ROR1: variants seen among roughly 807,000 people sequenced by gnomAD.
ROR1 encodes ROR family WNT receptor 1, also known as inactive tyrosine-protein kinase transmembrane receptor ROR1.
In ROR1, 19 loss-of-function variants were observed where a neutral mutation model predicts 78.8. That is an observed-to-expected ratio of 0.24 (90% CI 0.17 to 0.35). ROR1 has a LOEUF of 0.35. Among genes scored for constraint, ROR1 ranks in the 10% least tolerant of loss-of-function variants. The pLI, the probability that ROR1 is intolerant of heterozygous loss-of-function variation, is 1.00. For synonymous variants in ROR1, 386 were observed against 433.6 expected, an observed-to-expected ratio of 0.89 and a Z score of 1.36; for missense variants, 917 against 1,177.8, an observed-to-expected ratio of 0.78 and a Z score of 3.24.
At position 64,175,016 on chromosome 1, in the gene ROR1, TTA is replaced by T. The variant is rs1491322583; in HGVS notation, c.1387-2411_1387-2410del. 3.3e-5 allele frequency among the ~76,000 whole-genome samples: 5 copies of T among 150,390 alleles called. No individual in the cohort carries two copies. The South Asian group carries it at 1.0e-3, about 31-fold the overall frequency. ...AGATTCGCCTATTGTTTTTTTTTTT[TTA>T]AAAAAATAGTTATTTAATTTAAAAA... On this transcript the variant is annotated intron_variant, in intron 8 of 8. Transcript: ENST00000371079.
chr1:63,857,163 T>A (rs1216313688), intron 1 of ROR1, among the ~76,000 whole-genome samples: 1 of 152,090 alleles, frequency 6.6e-6, no homozygotes, highest in African/African-American at 2.4e-5. Context: ...AGAAGTTTTT[T>A]TTTTTTTTTA....
At chr1:64,156,936 A>T (rs928751900) in intron 7 of ROR1, among the ~76,000 whole-genome samples, 5 of 152,142 alleles carry the variant, frequency 3.3e-5, no homozygotes, top group African/African-American at 1.2e-4. Context: ...CTTTTGACTT[A>T]CTAGCAGCAT....
At chr1:64,117,300 T>G (rs6683013) in intron 4 of ROR1, among the ~76,000 whole-genome samples, 46,298 of 152,086 alleles carry the variant, frequency 0.3, 7,482 homozygotes, top group African/African-American at 0.34. Flanking sequence ...TGAAATATCT[T>G]CCTCTTAGCA....
At chr1:63,828,242 A>G (rs978168450) in intron 1 of ROR1, among the ~76,000 whole-genome samples, 1 of 152,252 alleles carries the variant, frequency 6.6e-6, no homozygotes, top group African/African-American at 2.4e-5. Flanking sequence ...AAAGAGATGT[A>G]GAAAAATAAT....
At chr1:64,101,494 C>G in intron 4 of ROR1, among the ~76,000 whole-genome samples, 1 of 152,136 alleles carries the variant, frequency 6.6e-6, no homozygotes, top group South Asian at 2.1e-4. Flanking sequence ...AAGCTCCTGA[C>G]GAAGAAGGGC....
At chr1:63,895,294 C>G (rs998655286) in intron 1 of ROR1, among the ~76,000 whole-genome samples, 4 of 152,146 alleles carry the variant, frequency 2.6e-5, no homozygotes, top group African/African-American at 9.7e-5. Flanking sequence ...TACTAGTTAT[C>G]TGCATTTTTC....
At chr1:64,067,304 A>C (rs1381392318) in intron 4 of ROR1, among the ~76,000 whole-genome samples, 2 of 151,786 alleles carry the variant, frequency 1.3e-5, no homozygotes, top group African/African-American at 4.8e-5. Context: ...CCAAAATTGC[A>C]CTACTGTACT....
At chr1:63,832,061 G>C (rs1268394178) in intron 1 of ROR1, among the ~76,000 whole-genome samples, 2 of 152,158 alleles carry the variant, frequency 1.3e-5, no homozygotes. Context: ...AGTGACCTTT[G>C]CTCCAGTTCA....
chr1:64,071,999 G>C (rs573557273), intron 4 of ROR1, among the ~76,000 whole-genome samples: 2 of 152,222 alleles, frequency 1.3e-5, no homozygotes, highest in South Asian at 4.1e-4. Flanking sequence ...GTGGTCCATG[G>C]TTTAGTTCTC....
In ROR1 at chr1:64,158,974, C is replaced by T; in HGVS notation, c.1175-7C>T. The T allele has an allele frequency of 6.2e-7, 1 of 1,610,256 alleles. No homozygotes were observed. The highest frequency in any genetic ancestry group is 8.5e-7 in the Non-Finnish European group (1 of 1,176,882). ...TAACTTTTGCTCTTTTTCATTTCTG[C>T]ACCCAGATTCAAAGGATTCCAAGGA... On this transcript the variant is annotated splice_polypyrimidine_tract_variant and splice_region_variant and intron_variant, in intron 7 of 8. Coordinates refer to ENST00000371079, the MANE Select transcript of ROR1 (RefSeq NM_005012.4).
intron 1 of ROR1, among the ~76,000 whole-genome samples, chr1:63,921,964 C>T (rs1290869512): frequency 6.6e-6 from 1 of 152,194 alleles, no homozygotes; most frequent in African/African-American, 2.4e-5. Flanking sequence ...GAGGGGGTAT[C>T]TCAGGAGCTC....
At chr1:63,830,849 G>A (rs966173412) in intron 1 of ROR1, among the ~76,000 whole-genome samples, 3 of 152,164 alleles carry the variant, frequency 2.0e-5, no homozygotes, top group Non-Finnish European at 4.4e-5. Context: ...AAAATCACAA[G>A]CAAGTTAATT....
intron 8 of ROR1, among the ~76,000 whole-genome samples, chr1:64,166,676 G>A (rs1052820781): frequency 6.6e-6 from 1 of 152,178 alleles, no homozygotes; most frequent in African/African-American, 2.4e-5. Context: ...TAACTGGGGT[G>A]AGGACACAGG....
chr1:63,943,531 A>C (rs1645858212), intron 1 of ROR1, among the ~76,000 whole-genome samples: 1 of 152,120 alleles, frequency 6.6e-6, no homozygotes, highest in Non-Finnish European at 1.5e-5. Flanking sequence ...CTGGAGAGCC[A>C]TTCTCCCCAG....
chr1:63,832,749 A>G (rs1644995634), intron 1 of ROR1, among the ~76,000 whole-genome samples: 1 of 152,216 alleles, frequency 6.6e-6, no homozygotes, highest in African/African-American at 2.4e-5. Context: ...TGCAAATTTT[A>G]TGTTTACTTA....
chr1:64,058,924 G>A (rs1264584851), intron 4 of ROR1, among the ~76,000 whole-genome samples: 1 of 151,830 alleles, frequency 6.6e-6, no homozygotes. Flanking sequence ...TAAATGTTTG[G>A]TATAATCACC....
intron 4 of ROR1, among the ~76,000 whole-genome samples, chr1:64,100,218 G>A (rs115752595): frequency 0.018 from 2,803 of 151,592 alleles, 80 homozygotes; most frequent in African/African-American, 0.065. Context: ...GTGGTGGCTC[G>A]TGTCTGTAAT....
intron 1 of ROR1, among the ~76,000 whole-genome samples, chr1:63,897,522 G>T (rs187097636): frequency 2.6e-5 from 4 of 152,120 alleles, no homozygotes; most frequent in Non-Finnish European, 5.9e-5. Flanking sequence ...TCCACATAAA[G>T]TTTCCTTGTT....
At chr1:63,958,127 G>A (rs1645998692) in intron 1 of ROR1, among the ~76,000 whole-genome samples, 2 of 152,040 alleles carry the variant, frequency 1.3e-5, no homozygotes, top group Non-Finnish European at 2.9e-5. Flanking sequence ...TTGTCATATA[G>A]CTATATCAAA....
Sources: allele counts gnomAD v4.1 joint callset (sites outside exome capture counted in the v4.1 genomes callset), GRCh38; gene constraint gnomAD v4.1.1; transcripts MANE v1.5; gene names NCBI Gene and HGNC (gene_info 2026-07-23, HGNC 2026-07-21).